Variants in ASPSCR1 observed in about 807,000 individuals in gnomAD.
ASPSCR1 encodes the protein ASPSCR1 tether for SLC2A4, UBX domain containing.
In ASPSCR1, 55 loss-of-function variants were observed where a neutral mutation model predicts 68.9. The observed-to-expected ratio is 0.80, with a 90% CI of 0.64 to 1.00. The LOEUF (loss-of-function observed/expected upper bound fraction) is 1.00, where lower values mean the gene tolerates loss of function less well. Ranked by LOEUF, ASPSCR1 falls within the 50% of genes least tolerant of loss-of-function variation. The pLI, the probability that ASPSCR1 is intolerant of heterozygous loss-of-function variation, is 0.00. For synonymous variants in ASPSCR1, 352 were observed against 332.6 expected, an observed-to-expected ratio of 1.06 and a Z score of -0.63; for missense variants, 765 against 762.2, an observed-to-expected ratio of 1.00 and a Z score of -0.04.
rs779775512 is a variant in ASPSCR1 at position 82,012,156 on chromosome 17, G to T, written c.1301-75G>T. 4.0e-6 allele frequency: 6 copies of T among 1,518,972 alleles called. No homozygotes were observed. In the South Asian group the frequency reaches 4.5e-5, roughly 11 times the overall value. The allele number at this position is 1,518,972 out of a possible 1,614,324, so 94.1% of individuals were successfully genotyped here. On this transcript the variant is annotated intron_variant, in intron 11 of 15. Coordinates refer to ENST00000306739, the MANE Select transcript of ASPSCR1 (RefSeq NM_024083.4). ...CTTGAGGCGTCACCCCCATCTGCAG[G>T]CCTGTCTTCCTTCGGGCGCATGGAT...
Position 81,999,829 on chromosome 17 carries a change from GC to G in ASPSCR1, c.933+2984del, listed in dbSNP as rs2042470304. On this transcript the variant is annotated intron_variant, in intron 7 of 15. Coordinates refer to ENST00000306739, the MANE Select transcript of ASPSCR1 (RefSeq NM_024083.4). The surrounding 1 kb of genome is among the most constrained non-coding windows in gnomAD (Gnocchi z 4.4). Reference sequence around the variant, plus strand: ...GCCTCCCGGCCACACACCTGGGAGGGCAGAGGCCGGGCGTCTGCACCGTGTT... The same window carrying G: ...GCCTCCCGGCCACACACCTGGGAGGGAGAGGCCGGGCGTCTGCACCGTGTT... 6.6e-6 allele frequency among the ~76,000 whole-genome samples: 1 copy of G among 152,164 alleles called. No individual in the cohort carries two copies. The highest frequency in any genetic ancestry group is 2.1e-4 in the South Asian group (1 of 4,830).
intron 4 of ASPSCR1, among the ~76,000 whole-genome samples, chr17:81,994,595 C>T (rs2042275220): frequency 6.6e-6 from 1 of 152,222 alleles, no homozygotes; most frequent in African/African-American, 2.4e-5. Flanking sequence ...GCACCACAGG[C>T]CAGGGTCCTT....
At position 82,008,856 on chromosome 17, in the gene ASPSCR1, C is replaced by T. The variant is rs180834917; in HGVS notation, c.934-181C>T. The T allele has an allele frequency of 1.7e-5, 14 of 817,190 alleles. No homozygotes were observed. In the East Asian group the frequency reaches 3.8e-4, roughly 22 times the overall value. 50.6% of individuals were successfully genotyped at this position (817,190 alleles called of 1,614,324 possible). ...CAGGCTCTGAGTGGGGTGGGGTCCC[C>T]CAGCTGCTGTGCCCAGCCCTGCCCC... On this transcript the variant is annotated intron_variant, in intron 7 of 15. Coordinates refer to ENST00000306739, the MANE Select transcript of ASPSCR1 (RefSeq NM_024083.4).
At chr17:82,001,572 G>A (rs1160532628) in intron 7 of ASPSCR1, among the ~76,000 whole-genome samples, 1 of 152,214 alleles carries the variant, frequency 6.6e-6, no homozygotes, top group African/African-American at 2.4e-5. Flanking sequence ...TTGTGTTTTG[G>A]TGAGGAACCC....
rs781269043 is a variant in ASPSCR1, at chr17:81,996,441, C to A, written c.528C>A (p.Asp176Glu). ...TCAGGTTTGTCATGAAGTGCTACGA[C>A]CCCGTGGGCAAGACCCCAGGAAGCC... Reference protein sequence around the residue: ...ATIRFVMKCYDPVGKTPGSLG... With the variant: ...ATIRFVMKCYEPVGKTPGSLG... The change falls in exon 7 of 16, where the codon GAC (aspartate) becomes GAA (glutamate). Residue 176 changes from aspartate (D) to glutamate (E), a missense_variant. Transcript: ENST00000306739. 3 of 1,599,996 alleles carry A rather than the reference C, an allele frequency of 1.9e-6. No individual in the cohort carries two copies. The South Asian group carries it at 3.3e-5, about 18-fold the overall frequency.
At chr17:81,992,457 G>C (rs1598401632) in intron 4 of ASPSCR1, among the ~76,000 whole-genome samples, 2 of 152,240 alleles carry the variant, frequency 1.3e-5, no homozygotes, top group East Asian at 3.8e-4. Flanking sequence ...GTCCCTGTTT[G>C]TGATTTGAGG....
At chr17:82,003,624 A>T (rs1276591812) in intron 7 of ASPSCR1, among the ~76,000 whole-genome samples, 1 of 152,104 alleles carries the variant, frequency 6.6e-6, no homozygotes, top group Non-Finnish European at 1.5e-5. Flanking sequence ...TGCAGGAGGG[A>T]TGTTGTGCTG....
intron 3 of ASPSCR1, among the ~76,000 whole-genome samples, chr17:81,984,921 GCACACACCCC>G (rs1199091017): frequency 7.6e-5 from 5 of 65,672 alleles, no homozygotes; most frequent in Non-Finnish European, 1.4e-4. Flanking sequence ...ACAGCAACGT[GCACACACCCC>G]CACACCCGCA....
At position 81,987,528 on chromosome 17, in the gene ASPSCR1, T is replaced by C. The variant is rs143326652; in HGVS notation, c.374+1921T>C. ...AGGGCCGTCCTCCCTGGCTGTGCTGTCAGTCCTCAGATGGGGATGGAGGTA... is the reference window on the plus strand; with the variant it reads ...AGGGCCGTCCTCCCTGGCTGTGCTGCCAGTCCTCAGATGGGGATGGAGGTA... On this transcript the variant is annotated intron_variant, in intron 4 of 15. Coordinates refer to ENST00000306739, the MANE Select transcript of ASPSCR1 (RefSeq NM_024083.4). This position sits in a 1 kb window ranked among gnomAD's most constrained non-coding sequence, Gnocchi z 5.6. 2.4e-4 allele frequency among the ~76,000 whole-genome samples: 36 copies of C among 152,290 alleles called. 2 individuals are homozygous for C. In the East Asian group the frequency reaches 6.9e-3, roughly 29 times the overall value.
intron 4 of ASPSCR1, among the ~76,000 whole-genome samples, chr17:81,994,287 A>G (rs953076624): frequency 6.6e-6 from 1 of 152,250 alleles, no homozygotes; most frequent in African/African-American, 2.4e-5. Context: ...GCCACAGGCA[A>G]GCGGGCGTGA....
At position 82,015,138 on chromosome 17, in the gene ASPSCR1, C is replaced by T. The variant is rs772474840; in HGVS notation, c.1354-1338C>T. ...TCCCTCGCTGAAACGGTGCCTGGGA[C>T]CAGAGCAGAGAACACGCTTGCCAGT... On this transcript the variant is annotated intron_variant, in intron 12 of 15. Transcript: ENST00000306739. 1.4e-5 allele frequency: 23 copies of T among 1,598,138 alleles called. No individual in the cohort carries two copies. The South Asian group carries it at 2.5e-4, about 18-fold the overall frequency.
intron 7 of ASPSCR1, chr17:82,006,449 G>A (rs2042725357): frequency 6.6e-6 from 1 of 152,230 alleles, no homozygotes; most frequent in Admixed American, 6.5e-5. Flanking sequence ...TCTGCATGAG[G>A]GGTGTTCACT....
chr17:81,983,563 G>A lies in ASPSCR1; in HGVS notation c.168G>A (p.Arg56=). Reference sequence around the variant, plus strand: ...CTGGTCTGTCTTGCAGGTTTCAGAGGAGCGTGCTCGACCTTTCTCTCCAGT... The same window carrying A: ...CTGGTCTGTCTTGCAGGTTTCAGAGAAGCGTGCTCGACCTTTCTCTCCAGT... ...NPCEYDLKFQ[R]SVLDLSLQWR... The change falls in exon 3 of 16, where the codon AGG becomes AGA. Residue 56 remains arginine, a synonymous_variant. Transcript: ENST00000306739. This position sits in a 1 kb window ranked among gnomAD's most constrained non-coding sequence, Gnocchi z 4.4. 6.2e-7 allele frequency: 1 copy of A among 1,612,292 alleles called. No homozygotes were observed. Among genetic ancestry groups the A allele is most frequent in the Non-Finnish European group, 8.5e-7 (1 of 1,179,298 alleles).
Position 81,985,585 on chromosome 17 carries a change from C to T in ASPSCR1, c.352C>T (p.Leu118Phe). 2 of 1,614,036 alleles carry T rather than the reference C, an allele frequency of 1.2e-6. No homozygotes were observed. Among genetic ancestry groups the T allele is most frequent in the South Asian group, 1.1e-5 (1 of 91,090 alleles). ...FCSGQTLWEL[L>F]SHFPQIRECL... ...TTCAGGCCAGACCCTCTGGGAGCTT[C>T]TCAGCCATTTTCCACAGATCAGGTG... Residue 118 changes from leucine (L) to phenylalanine (F), a missense_variant, in exon 4 of 16, where the codon CTC becomes TTC. Transcript: ENST00000306739.
Position 82,015,241 on chromosome 17 carries a change from C to T in ASPSCR1, c.1354-1235C>T, listed in dbSNP as rs768446085. ...TCCAGAGGCCGAGCCTCTCCAAGCA[C>T]TGGTCAGCCTCCATGCCACCCAGTC... On this transcript the variant is annotated intron_variant, in intron 12 of 15. Coordinates refer to ENST00000306739, the MANE Select transcript of ASPSCR1 (RefSeq NM_024083.4). The T allele has an allele frequency of 1.3e-6, 2 of 1,598,302 alleles. 1 individual carries two copies. Among genetic ancestry groups the T allele is most frequent in the South Asian group, 2.2e-5 (2 of 91,088 alleles).
At position 81,993,276 on chromosome 17, in the gene ASPSCR1, C is replaced by T. The variant is rs182654353; in HGVS notation, c.375-1545C>T. On this transcript the variant is annotated intron_variant, in intron 4 of 15. Transcript: ENST00000306739. ...TCGCCCAGGCTGGAGTGCAGTGGCG[C>T]GATCTCGGCTCACTGCAAGCTCCAC... Among the ~76,000 whole-genome samples, 322 of 152,120 alleles carry T rather than the reference C, an allele frequency of 2.1e-3. 13 individuals are homozygous for T. Among genetic ancestry groups the T allele is most frequent in the Admixed American group, 0.02 (310 of 15,276 alleles).
Position 81,983,607 on chromosome 17 carries a change from C to T in ASPSCR1, c.212C>T (p.Pro71Leu). ...CTCCAGTGGAGATTTGCCAACCTGC[C>T]CAACAATGCCAAGCTGGAGATGGTG... is the stretch of plus-strand genomic sequence containing the variant. ...LSLQWRFANL[P>L]NNAKLEMVPA... Residue 71 changes from proline to leucine, a missense_variant, in exon 3 of 16, where the codon CCC (proline) becomes CTC (leucine). Pro to Leu is a moderately conservative substitution (Grantham distance 98, BLOSUM62 -3). Transcript: ENST00000306739. The surrounding 1 kb of genome is among the most constrained non-coding windows in gnomAD (Gnocchi z 4.4). The T allele has an allele frequency of 1.2e-6, 2 of 1,613,584 alleles. No individual in the cohort carries two copies. The highest frequency in any genetic ancestry group is 1.7e-6 in the Non-Finnish European group (2 of 1,179,942).
In ASPSCR1 at chr17:82,014,719, A is replaced by G. The variant is rs1214433621; in HGVS notation, c.1354-1757A>G. On this transcript the variant is annotated intron_variant, in intron 12 of 15. Transcript: ENST00000306739. ...CGGCCAGGCGCTGGGCCACGTGTGC[A>G]TGCAGCCCCTACAGAGTTGCTGCCC... is the stretch of plus-strand genomic sequence containing the variant. 15 of 325,102 alleles carry G rather than the reference A, an allele frequency of 4.6e-5. No homozygotes were observed. The East Asian group carries it at 8.7e-4, about 19-fold the overall frequency. 20.1% of individuals were successfully genotyped at this position (325,102 alleles called of 1,614,324 possible).
chr17:82,015,459 A>G, intron 12 of ASPSCR1: 1 of 1,402,252 alleles, frequency 7.1e-7, no homozygotes, highest in Non-Finnish European at 9.5e-7. Context: ...GGTGTTCCCG[A>G]GTCCTGCCCG....
Sources: allele counts gnomAD v4.1 joint callset (sites outside exome capture counted in the v4.1 genomes callset), GRCh38; gene constraint gnomAD v4.1.1; non-coding constraint Gnocchi (gnomAD v3.1); transcripts MANE v1.5; gene names NCBI Gene and HGNC (gene_info 2026-07-23, HGNC 2026-07-21).